The following DGKI variants were observed in gnomAD, a reference collection of about 807,000 sequenced individuals.
DGKI encodes DAG kinase iota.
Under a neutral mutation model 147.5 loss-of-function variants are expected in DGKI, and 55 were observed. The observed-to-expected ratio is 0.37, with a 90% CI of 0.30 to 0.47. The LOEUF (loss-of-function observed/expected upper bound fraction) is 0.47. DGKI is among the 20% of genes least tolerant of loss of function. The pLI is 1.00. For missense variants in DGKI, 1,007 were observed against 1,323.8 expected (o/e 0.76, Z 3.71); for synonymous variants, 469 against 477.1 (o/e 0.98, Z 0.22).
chr7:137,618,127 C>CTATATATATATATA (rs1164221520), intron 8 of DGKI, among the ~76,000 whole-genome samples: 3 of 16,194 alleles, frequency 1.9e-4, no homozygotes, highest in African/African-American at 2.6e-4. Flanking sequence ...TTCTAAAATA[C>CTATATATATATATA]TATATATATA....
At chr7:137,726,929 T>C (rs1455002631) in intron 1 of DGKI, among the ~76,000 whole-genome samples, 6 of 152,208 alleles carry the variant, frequency 3.9e-5, no homozygotes, top group African/African-American at 9.6e-5. Flanking sequence ...CTCACTACTA[T>C]GTTATTGCAG....
chr7:137,703,710 C>G (rs1793900176), intron 1 of DGKI, among the ~76,000 whole-genome samples: 1 of 152,122 alleles, frequency 6.6e-6, no homozygotes, highest in East Asian at 1.9e-4. Flanking sequence ...AAACAAGCAG[C>G]AATGACAATA....
In DGKI at chr7:137,391,291, A is replaced by T; in HGVS notation, c.3103T>A (p.Leu1035Met). ...TGACGGCTTTCTAGGTAAGCAGCCA[A>T]GTCTGGGTCCCCAGCCTGCTGTGCT... The part of the protein sequence containing the change: ...ERAQQAGDPD[L>M]AAYLESRQNY... The change falls in exon 33 of 33, where the codon TTG (leucine) becomes ATG (methionine). Residue 1035 changes from leucine (L) to methionine (M), a missense_variant. This residue lies in a region of DGKI where 385 missense variants were observed against 445.2 expected (regional missense o/e 0.86). Coordinates refer to ENST00000614521, the MANE Select transcript of DGKI (RefSeq NM_001321708.2). 1 of 1,613,512 alleles carries T rather than the reference A, an allele frequency of 6.2e-7. No individual in the cohort carries two copies. The highest frequency in any genetic ancestry group is 1.1e-5 in the South Asian group (1 of 91,052).
Position 137,846,196 on chromosome 7 carries a change from CACACACAG to C in DGKI, c.401+258_401+265del, listed in dbSNP as rs1798722855. On this transcript the variant is annotated intron_variant, in intron 1 of 32. Transcript: ENST00000614521. The surrounding 1 kb of genome is among the most constrained non-coding windows in gnomAD (Gnocchi z 4.0). ...ACACACACACACACACACACACACA[CACACACAG>C]ACAAAATTTCTGTTGCTCTGACCTT... 6.7e-6 allele frequency among the ~76,000 whole-genome samples: 1 copy of C among 149,264 alleles called. No homozygotes were observed. Among genetic ancestry groups the C allele is most frequent in the Non-Finnish European group, 1.5e-5 (1 of 67,914 alleles).
intron 5 of DGKI, among the ~76,000 whole-genome samples, chr7:137,650,362 A>G (rs1020307442): frequency 1.3e-5 from 2 of 152,208 alleles, no homozygotes; most frequent in Non-Finnish European, 2.9e-5. Context: ...TGCATAAATT[A>G]TTATGGTATA....
intron 8 of DGKI, among the ~76,000 whole-genome samples, chr7:137,618,555 G>C (rs73455324): frequency 0.042 from 6,316 of 151,820 alleles, 393 homozygotes; most frequent in African/African-American, 0.14. Context: ...TACAATCGAG[G>C]TTTTCAATGG....
intron 23 of DGKI, among the ~76,000 whole-genome samples, chr7:137,472,707 G>C (rs1815029330): frequency 6.6e-6 from 1 of 151,506 alleles, no homozygotes; most frequent in Admixed American, 6.6e-5. Flanking sequence ...CTCTCAGTTG[G>C]GTGAGAAATG....
intron 27 of DGKI, among the ~76,000 whole-genome samples, chr7:137,458,125 C>T (rs1918841): frequency 0.039 from 5,993 of 152,258 alleles, 293 homozygotes; most frequent in East Asian, 0.12. Flanking sequence ...GTGCCCAATA[C>T]TGATTTGTTC....
At chr7:137,641,720 T>G (rs1563127739) in intron 6 of DGKI, among the ~76,000 whole-genome samples, 1 of 152,246 alleles carries the variant, frequency 6.6e-6, no homozygotes, top group Non-Finnish European at 1.5e-5. Flanking sequence ...ATGTGTATAC[T>G]GCATTTAAAA....
At chr7:137,726,076 T>C (rs1221256096) in intron 1 of DGKI, among the ~76,000 whole-genome samples, 1 of 152,174 alleles carries the variant, frequency 6.6e-6, no homozygotes, top group African/African-American at 2.4e-5. Context: ...CACTGCCTGC[T>C]CTATATCTCA....
chr7:137,760,457 C>T (rs1228562091), intron 1 of DGKI, among the ~76,000 whole-genome samples: 1 of 152,162 alleles, frequency 6.6e-6, no homozygotes, highest in Non-Finnish European at 1.5e-5. Flanking sequence ...CATCTTCGTC[C>T]CCTTCTTTCC....
chr7:137,662,858 C>T (rs923602920), intron 3 of DGKI, among the ~76,000 whole-genome samples: 11 of 152,204 alleles, frequency 7.2e-5, no homozygotes, highest in African/African-American at 2.2e-4. Flanking sequence ...AGATAGCCCC[C>T]AACAACCAAC....
At chr7:137,728,911 T>C (rs1794790417) in intron 1 of DGKI, among the ~76,000 whole-genome samples, 1 of 152,200 alleles carries the variant, frequency 6.6e-6, no homozygotes, top group Admixed American at 6.5e-5. Context: ...ATAATCTCCT[T>C]ATCAGGATAA....
At chr7:137,833,350 A>G (rs1211012233) in intron 1 of DGKI, among the ~76,000 whole-genome samples, 1 of 152,222 alleles carries the variant, frequency 6.6e-6, no homozygotes. Flanking sequence ...TCAAGGAGGA[A>G]CAAATCATGT....
intron 27 of DGKI, among the ~76,000 whole-genome samples, chr7:137,451,525 T>C (rs1375204395): frequency 6.6e-6 from 1 of 152,206 alleles, no homozygotes; most frequent in Non-Finnish European, 1.5e-5. Flanking sequence ...CTGAAAAATG[T>C]GCCCAGTTTT....
intron 1 of DGKI, among the ~76,000 whole-genome samples, chr7:137,748,415 T>C (rs78711228): frequency 0.049 from 7,400 of 151,396 alleles, 255 homozygotes; most frequent in African/African-American, 0.097. Flanking sequence ...TTTAAAGATA[T>C]AAAAGTAATC....
chr7:137,647,990 G>C (rs1328919390), intron 5 of DGKI, among the ~76,000 whole-genome samples: 1 of 152,190 alleles, frequency 6.6e-6, no homozygotes, highest in Non-Finnish European at 1.5e-5. Flanking sequence ...GGTGGCAGCA[G>C]AATCTGTGCC....
chr7:137,388,914 A>C lies in DGKI; in HGVS notation c.*2306T>G, dbSNP rs1222452673. 2.6e-5 allele frequency: 4 copies of C among 152,044 alleles called. No individual in the cohort carries two copies. Among genetic ancestry groups the C allele is most frequent in the African/African-American group, 7.2e-5 (3 of 41,384 alleles). The allele number at this position is 152,044 out of a possible 1,614,324, so 9.4% of individuals were successfully genotyped here. A position where few individuals can be genotyped will look rare whatever the true frequency, so the allele number is the denominator to read the frequency against. On this transcript the variant is annotated 3_prime_UTR_variant, in exon 33 of 33. Coordinates refer to ENST00000614521, the MANE Select transcript of DGKI (RefSeq NM_001321708.2). ...TGTCTTCAATTGGAGCTATTTAGAA[A>C]TTGGCCCATAGCCACCTGTACCCTA...
chr7:137,636,532 C>T (rs1363291145), intron 6 of DGKI, among the ~76,000 whole-genome samples: 3 of 152,146 alleles, frequency 2.0e-5, no homozygotes, highest in African/African-American at 7.2e-5. Flanking sequence ...TGCTTCAGGC[C>T]TGAGCCACTC....
Sources: gnomAD v4.1 joint callset for allele counts (sites outside exome capture counted in the v4.1 genomes callset) on GRCh38, gnomAD v4.1.1 for gene constraint, gnomAD v4.1.1 regional missense constraint, Gnocchi (gnomAD v3.1) non-coding constraint, MANE v1.5 for transcripts, NCBI Gene and HGNC (gene_info 2026-07-23, HGNC 2026-07-21) for gene names.